The following TTC6 variants were observed in gnomAD, a reference collection of about 807,000 sequenced individuals.
TTC6 encodes the protein tetratricopeptide repeat protein 6.
Under a neutral mutation model 210.4 loss-of-function variants are expected in TTC6, and 172 were observed. The observed-to-expected ratio is 0.82, with a 90% CI of 0.72 to 0.93. TTC6 has a LOEUF of 0.93. TTC6 is among the 40% of genes least tolerant of loss of function. The probability of loss-of-function intolerance (pLI) is 0.00; values close to 1 mark genes in which losing one functional copy is unlikely to be tolerated. For missense variants in TTC6, 2,414 were observed against 2,318.1 expected (o/e 1.04, Z -0.85); for synonymous variants, 804 against 819.6 (o/e 0.98, Z 0.32).
intron 20 of TTC6, among the ~76,000 whole-genome samples, chr14:37,797,766 G>T: frequency 6.6e-6 from 1 of 151,548 alleles, no homozygotes; most frequent in East Asian, 1.9e-4. Context: ...TATTTTCTTT[G>T]GAAAGTTTAA....
intron 14 of TTC6, among the ~76,000 whole-genome samples, chr14:37,774,518 G>A (rs903097170): frequency 6.6e-5 from 10 of 152,114 alleles, no homozygotes; most frequent in African/African-American, 1.2e-4. Flanking sequence ...TTTTAGCTCT[G>A]TTTATGTGAT....
At chr14:37,686,376 A>G (rs765349715) in intron 3 of TTC6, among the ~76,000 whole-genome samples, 7 of 152,160 alleles carry the variant, frequency 4.6e-5, no homozygotes, top group Non-Finnish European at 7.3e-5. Flanking sequence ...AAGCCTCCCA[A>G]TGTTGGTTTT....
At position 37,635,949 on chromosome 14, in the gene TTC6, A is replaced by G. The variant is rs143565989; in HGVS notation, c.939+12946A>G. ...AGCCAAGATTGCGCCATTGCACTCC[A>G]GCCCCTGGCAACAAGAGCAAAATTC... On this transcript the variant is annotated intron_variant, in intron 1 of 30. Coordinates refer to ENST00000553443, the Ensembl canonical transcript of TTC6. 3.5e-4 allele frequency among the ~76,000 whole-genome samples: 51 copies of G among 147,164 alleles called. No individual in the cohort carries two copies. The East Asian group carries it at 8.2e-3, about 24-fold the overall frequency.
intron 25 of TTC6, among the ~76,000 whole-genome samples, chr14:37,816,099 A>T (rs1387297216): frequency 6.6e-6 from 1 of 150,754 alleles, no homozygotes; most frequent in Non-Finnish European, 1.5e-5. Flanking sequence ...GAAGCATTTT[A>T]TTAGATTATA....
intron 1 of TTC6, among the ~76,000 whole-genome samples, chr14:37,679,151 G>A (rs765922959): frequency 2.6e-5 from 4 of 152,154 alleles, no homozygotes; most frequent in Admixed American, 6.5e-5. Flanking sequence ...GAGCCCAGGA[G>A]TTTGAGGTTA....
At chr14:37,622,548 A>G in exon 1 of TTC6, 1 of 1,534,940 alleles carries the variant, frequency 6.5e-7, no homozygotes, top group Non-Finnish European at 8.7e-7. Flanking sequence ...CGTGAAGCGC[A>G]GAGCGCGCGG....
chr14:37,700,593 A>G (rs2095823095), intron 4 of TTC6, among the ~76,000 whole-genome samples: 1 of 151,744 alleles, frequency 6.6e-6, no homozygotes, highest in Non-Finnish European at 1.5e-5. Context: ...AACCACAAAC[A>G]TTAGCTGGGC....
chr14:37,619,063 G>A (rs2095647126), upstream of TTC6, among the ~76,000 whole-genome samples: 1 of 152,184 alleles, frequency 6.6e-6, no homozygotes, highest in Non-Finnish European at 1.5e-5. Context: ...AAAATACTAT[G>A]CGGGGCGGGG....
intron 6 of TTC6, among the ~76,000 whole-genome samples, chr14:37,724,125 A>C (rs2138826032): frequency 6.6e-6 from 1 of 152,266 alleles, no homozygotes; most frequent in East Asian, 1.9e-4. Context: ...GGAAATGTTA[A>C]CATTTTGTCA....
chr14:37,703,490 A>G (rs2095829502), intron 5 of TTC6, among the ~76,000 whole-genome samples: 2 of 152,186 alleles, frequency 1.3e-5, no homozygotes, highest in African/African-American at 4.8e-5. Flanking sequence ...GGAGAAATGT[A>G]TAATTTTTTT....
At chr14:37,637,352 C>T (rs1219988873) in intron 1 of TTC6, among the ~76,000 whole-genome samples, 1 of 152,170 alleles carries the variant, frequency 6.6e-6, no homozygotes, top group Non-Finnish European at 1.5e-5. Context: ...ACAAAAGACC[C>T]TGTTAAGACG....
intron 12 of TTC6, 94 bp downstream of exon 14, chr14:37,749,937 T>C (rs552053158): frequency 1.0e-5 from 9 of 894,400 alleles, no homozygotes; most frequent in Non-Finnish European, 1.2e-5. Context: ...TCAGTAGATA[T>C]ATGTCCTGAA....
rs950634838 is a variant in TTC6, at chr14:37,636,001, G to GA, written c.939+13008dup. 3.2e-3 allele frequency among the ~76,000 whole-genome samples: 326 copies of GA among 101,758 alleles called. 1 individual carries two copies. Among genetic ancestry groups the GA allele is most frequent in the African/African-American group, 0.01 (283 of 27,776 alleles). 66.8% of individuals were successfully genotyped at this position (101,758 alleles called of 152,430 possible). A position where few individuals can be genotyped will look rare whatever the true frequency, so the allele number is the denominator to read the frequency against. ...ATTTCCAAAAAAAAAAAAAAAAAAA[G>GA]AAAAAAAAAAGAAAATTACCAGAGA... On this transcript the variant is annotated intron_variant, in intron 1 of 30. Coordinates refer to ENST00000553443, the Ensembl canonical transcript of TTC6.
intron 14 of TTC6, among the ~76,000 whole-genome samples, chr14:37,769,015 C>G (rs1387394949): frequency 6.6e-6 from 1 of 152,062 alleles, no homozygotes; most frequent in African/African-American, 2.4e-5. Flanking sequence ...GCAAGAAGGG[C>G]TGTTGAATTT....
At chr14:37,835,204 C>A (rs1234528129) in intron 29 of TTC6, among the ~76,000 whole-genome samples, 2 of 152,136 alleles carry the variant, frequency 1.3e-5, no homozygotes, top group African/African-American at 4.8e-5. Flanking sequence ...GGTGTGTAAG[C>A]ACCAGTGGTG....
intron 29 of TTC6, among the ~76,000 whole-genome samples, chr14:37,837,928 C>A (rs891616757): frequency 3.9e-5 from 6 of 152,046 alleles, no homozygotes; most frequent in Non-Finnish European, 7.4e-5. Flanking sequence ...AAGGAGAGAC[C>A]AAATGTGTCC....
chr14:37,650,227 C>G (rs1282335033), intron 1 of TTC6, among the ~76,000 whole-genome samples: 1 of 152,214 alleles, frequency 6.6e-6, no homozygotes, highest in South Asian at 2.1e-4. Flanking sequence ...GATGTCGATC[C>G]TCTATGCTCT....
rs543797473 is a variant in TTC6, at chr14:37,630,326, T to G, written c.939+7323T>G. Among the ~76,000 whole-genome samples the G allele has an allele frequency of 4.6e-5, 7 of 152,336 alleles. No individual in the cohort carries two copies. The South Asian group carries it at 1.5e-3, about 32-fold the overall frequency. ...AAGAACTTATTTATTTCTGCCTTCA[T>G]TTCATTATTTACCCAGTAGTCATTC... On this transcript the variant is annotated intron_variant, in intron 1 of 30. Transcript: ENST00000553443.
In TTC6 at chr14:37,719,220, A is replaced by G. The variant is rs568086360; in HGVS notation, c.1713+4424A>G. Among the ~76,000 whole-genome samples, 11 of 152,332 alleles carry G rather than the reference A, an allele frequency of 7.2e-5. No homozygotes were observed. In the South Asian group the frequency reaches 2.1e-3, roughly 29 times the overall value. On this transcript the variant is annotated intron_variant, in intron 6 of 30. Coordinates refer to ENST00000553443, the Ensembl canonical transcript of TTC6. Reference sequence around the variant, plus strand: ...AGAAATAAAAGTGATCTAAGTAAATAGAGAGATTCCCTGTTTATAGATTGG... The same window carrying G: ...AGAAATAAAAGTGATCTAAGTAAATGGAGAGATTCCCTGTTTATAGATTGG...
Sources: gnomAD v4.1 joint callset for allele counts (sites outside exome capture counted in the v4.1 genomes callset) on GRCh38, gnomAD v4.1.1 for gene constraint, MANE v1.5 for transcripts, NCBI Gene and HGNC (gene_info 2026-07-23, HGNC 2026-07-21) for gene names.